The following STOX1 variants were observed in gnomAD, a reference collection of about 807,000 sequenced individuals.
The protein encoded by STOX1 is storkhead box 1.
STOX1 carries 57 observed loss-of-function variants against 74.8 expected under a neutral mutation model. The observed-to-expected ratio is 0.76, with a 90% CI of 0.62 to 0.95. STOX1 has a LOEUF of 0.95. Among genes scored for constraint, STOX1 ranks in the 40% least tolerant of loss-of-function variants. The pLI is 0.00. For missense variants in STOX1, 1,010 were observed against 1,117.0 expected (o/e 0.90, Z 1.37); for synonymous variants, 375 against 401.3 (o/e 0.93, Z 0.78).
chr10:68,836,389 G>A (rs1454420459), intron 1 of STOX1, among the ~76,000 whole-genome samples: 1 of 152,204 alleles, frequency 6.6e-6, no homozygotes, highest in Non-Finnish European at 1.5e-5. Flanking sequence ...CAGCATGGAG[G>A]AAGAAGAGAA....
Position 68,886,424 on chromosome 10 carries a change from C to T in STOX1, c.2628C>T (p.Asp876=), listed in dbSNP as rs780583031. The change falls in exon 3 of 4, where the codon GAC becomes GAT. Residue 876 remains aspartate, a synonymous_variant. Transcript: ENST00000298596. ...AAGTCATACAAGACACTATTGGTGA[C>T]ACAGGAAAGAAGCCAGCTAGCTGGA... is the stretch of plus-strand genomic sequence containing the variant. ...EAEVIQDTIG[D]TGKKPASWSQ... 17 of 1,614,176 alleles carry T rather than the reference C, an allele frequency of 1.1e-5. No homozygotes were observed. Among genetic ancestry groups the T allele is most frequent in the Non-Finnish European group, 1.4e-5 (17 of 1,180,028 alleles).
intron 3 of STOX1, among the ~76,000 whole-genome samples, chr10:68,887,694 A>T (rs1840997226): frequency 6.6e-6 from 1 of 150,828 alleles, no homozygotes; most frequent in Admixed American, 6.6e-5. Flanking sequence ...CCCGGGTTCA[A>T]GCAATTCTCC....
intron 1 of STOX1, among the ~76,000 whole-genome samples, chr10:68,859,791 C>T (rs979585335): frequency 1.5e-4 from 23 of 151,972 alleles, no homozygotes; most frequent in African/African-American, 5.6e-4. Context: ...GTGAGCTTGG[C>T]TCAGCAAGGC....
intron 2 of STOX1, among the ~76,000 whole-genome samples, chr10:68,883,388 G>C (rs1840857636): frequency 6.6e-6 from 1 of 151,994 alleles, no homozygotes; most frequent in Admixed American, 6.6e-5. Flanking sequence ...ATATGACTTT[G>C]TGTGGACCAA....
At position 68,847,724 on chromosome 10, in the gene STOX1, T is replaced by G. The variant is rs142573390; in HGVS notation, c.310+19791T>G. Among the ~76,000 whole-genome samples, 787 of 151,416 alleles carry G rather than the reference T, an allele frequency of 5.2e-3. 1 individual carries two copies. Among genetic ancestry groups the G allele is most frequent in the Non-Finnish European group, 8.2e-3 (558 of 67,824 alleles). On this transcript the variant is annotated intron_variant, in intron 1 of 3. Transcript: ENST00000298596. ...TGCACCGCTGGAAGGTAGAAGTTTT[T>G]TTTTTGTTTTGTTTTGTTTTTTGAG...
chr10:68,840,951 C>CTT (rs763437615), intron 1 of STOX1, among the ~76,000 whole-genome samples: 1 of 133,940 alleles, frequency 7.5e-6, no homozygotes, highest in African/African-American at 2.7e-5. Flanking sequence ...TTGCTTTTTG[C>CTT]TTTTTTTTTT....
At chr10:68,846,179 C>T (rs995924819) in intron 1 of STOX1, among the ~76,000 whole-genome samples, 3 of 142,908 alleles carry the variant, frequency 2.1e-5, no homozygotes, top group African/African-American at 7.7e-5. Context: ...CGGAGTCTCG[C>T]TCTGTCACCC....
intron 1 of STOX1, among the ~76,000 whole-genome samples, chr10:68,858,208 G>A (rs1218555004): frequency 6.6e-6 from 1 of 152,110 alleles, no homozygotes; most frequent in Non-Finnish European, 1.5e-5. Context: ...AGTAATGGAT[G>A]GCTTAGTGTG....
intron 1 of STOX1, among the ~76,000 whole-genome samples, chr10:68,877,237 G>T (rs1840702676): frequency 6.6e-6 from 1 of 152,148 alleles, no homozygotes; most frequent in Non-Finnish European, 1.5e-5. Flanking sequence ...CTTCCTAGTT[G>T]ATAGTAGATT....
At position 68,884,895 on chromosome 10, in the gene STOX1, C is replaced by A. The variant is rs1469671760; in HGVS notation, c.1099C>A (p.Pro367Thr). Residue 367 changes from proline to threonine, a missense_variant, in exon 3 of 4, where the codon CCC becomes ACC. Coordinates refer to ENST00000298596, the MANE Select transcript of STOX1 (RefSeq NM_152709.5). ...ACATGAGATAATCAAACGAATTAACCCCATTTTGACTGTTGACAATTTAAT... is the reference window on the plus strand; with the variant it reads ...ACATGAGATAATCAAACGAATTAACACCATTTTGACTGTTGACAATTTAAT... The part of the protein sequence containing the change: ...VEHEIIKRIN[P>T]ILTVDNLIKH... 1 of 1,613,882 alleles carries A rather than the reference C, an allele frequency of 6.2e-7. No individual in the cohort carries two copies. The highest frequency in any genetic ancestry group is 8.5e-7 in the Non-Finnish European group (1 of 1,179,944).
intron 1 of STOX1, among the ~76,000 whole-genome samples, chr10:68,866,125 G>A (rs112781807): frequency 6.6e-6 from 1 of 151,958 alleles, no homozygotes; most frequent in Non-Finnish European, 1.5e-5. Flanking sequence ...ATTAAAACTT[G>A]TGCTCCCTAT....
At chr10:68,846,420 G>A (rs1234224393) in intron 1 of STOX1, among the ~76,000 whole-genome samples, 1 of 152,120 alleles carries the variant, frequency 6.6e-6, no homozygotes, top group African/African-American at 2.4e-5. Context: ...AAAGTCCTGG[G>A]ATTACAGGCA....
intron 1 of STOX1, among the ~76,000 whole-genome samples, chr10:68,871,303 G>T (rs1294841389): frequency 2.0e-5 from 3 of 152,222 alleles, no homozygotes. Flanking sequence ...TGTCTTCTTG[G>T]TGTATCAGTG....
intron 1 of STOX1, among the ~76,000 whole-genome samples, chr10:68,849,186 T>C (rs905801269): frequency 1.3e-5 from 2 of 152,210 alleles, no homozygotes; most frequent in Admixed American, 6.5e-5. Flanking sequence ...GCTCAGGCTT[T>C]GCTTTTTCAG....
At chr10:68,852,100 C>T (rs1472051767) in intron 1 of STOX1, among the ~76,000 whole-genome samples, 2 of 151,916 alleles carry the variant, frequency 1.3e-5, no homozygotes, top group African/African-American at 4.8e-5. Context: ...TGCCACCGCA[C>T]TCCAGCCTGG....
At chr10:68,875,554 G>T (rs1452009813) in intron 1 of STOX1, among the ~76,000 whole-genome samples, 1 of 152,198 alleles carries the variant, frequency 6.6e-6, no homozygotes, top group Non-Finnish European at 1.5e-5. Context: ...TGAGCCCCTT[G>T]TTTTTCTGAT....
rs1030790844 is a variant in STOX1 at position 68,886,431 on chromosome 10, A to G, written c.2635A>G (p.Lys879Glu). 1 of 1,614,232 alleles carries G rather than the reference A, an allele frequency of 6.2e-7. No individual in the cohort carries two copies. Reference sequence around the variant, plus strand: ...ACAAGACACTATTGGTGACACAGGAAAGAAGCCAGCTAGCTGGAGTCAGAG... The same window carrying G: ...ACAAGACACTATTGGTGACACAGGAGAGAAGCCAGCTAGCTGGAGTCAGAG... Reference protein sequence around the residue: ...VIQDTIGDTGKKPASWSQSPQ... With the variant: ...VIQDTIGDTGEKPASWSQSPQ... Residue 879 changes from lysine (K) to glutamate (E), a missense_variant, in exon 3 of 4, where the codon AAG (lysine) becomes GAG (glutamate). By Grantham distance (56) the Lys-to-Glu change is moderately conservative. Transcript: ENST00000298596.
chr10:68,851,734 G>A (rs1839991062), intron 1 of STOX1, among the ~76,000 whole-genome samples: 1 of 152,112 alleles, frequency 6.6e-6, no homozygotes, highest in African/African-American at 2.4e-5. Flanking sequence ...CCAGTTACTT[G>A]GGAGGCTCAG....
At chr10:68,863,277 A>G (rs941973747) in intron 1 of STOX1, among the ~76,000 whole-genome samples, 2 of 152,148 alleles carry the variant, frequency 1.3e-5, no homozygotes, top group African/African-American at 4.8e-5. Flanking sequence ...CCCTTGCTGA[A>G]GGAATACTCA....
Sources: gnomAD v4.1 joint callset for allele counts (sites outside exome capture counted in the v4.1 genomes callset) on GRCh38, gnomAD v4.1.1 for gene constraint, MANE v1.5 for transcripts, NCBI Gene and HGNC (gene_info 2026-07-23, HGNC 2026-07-21) for gene names.